Variants in DAB1 observed in about 807,000 individuals in gnomAD.
DAB1 encodes the protein disabled homolog 1.
DAB1 carries 15 observed loss-of-function variants against 64.6 expected under a neutral mutation model. That is an observed-to-expected ratio of 0.23 (90% CI 0.16 to 0.36). The LOEUF is 0.36. Ranked by LOEUF, DAB1 falls within the 10% of genes least tolerant of loss-of-function variation. The probability of loss-of-function intolerance (pLI) is 1.00; values close to 1 mark genes in which losing one functional copy is unlikely to be tolerated. For missense variants in DAB1, 596 were observed against 706.7 expected (o/e 0.84, Z 1.78); for synonymous variants, 235 against 251.9 (o/e 0.93, Z 0.64).
chr1:58,463,724 T>C (rs1203516786), intron 3 of DAB1, among the ~76,000 whole-genome samples: 1 of 152,234 alleles, frequency 6.6e-6, no homozygotes, highest in African/African-American at 2.4e-5. Context: ...TCAATGTCTC[T>C]GCACTTGGCC....
intron 7 of DAB1, among the ~76,000 whole-genome samples, chr1:57,479,952 G>A (rs947384529): frequency 1.3e-5 from 2 of 151,926 alleles, no homozygotes; most frequent in African/African-American, 2.4e-5. Flanking sequence ...AGGAGATCGA[G>A]ACCATCCTGG....
chr1:58,010,337 T>A (rs1476122600), intron 5 of DAB1, among the ~76,000 whole-genome samples: 1 of 152,184 alleles, frequency 6.6e-6, no homozygotes, highest in Non-Finnish European at 1.5e-5. Flanking sequence ...AAGAAAAACA[T>A]ATACATACAT....
chr1:58,350,998 T>G (rs1644050309), intron 3 of DAB1, among the ~76,000 whole-genome samples: 1 of 152,190 alleles, frequency 6.6e-6, no homozygotes, highest in African/African-American at 2.4e-5. Flanking sequence ...GTGAAGAAAG[T>G]CAGTGGTAGC....
chr1:57,145,249 A>G (rs1326559913), intron 3 of DAB1, 41 bp downstream of exon 3: 3 of 1,600,028 alleles, frequency 1.9e-6, no homozygotes, highest in African/African-American at 1.3e-5. Context: ...CCTCATTCAC[A>G]TTAAACACAA....
At chr1:57,872,216 T>C (rs1643963793) in intron 1 of DAB1, among the ~76,000 whole-genome samples, 1 of 152,180 alleles carries the variant, frequency 6.6e-6, no homozygotes, top group Non-Finnish European at 1.5e-5. Flanking sequence ...TTCCTAAAAC[T>C]CATGTGTTAA....
chr1:57,328,445 G>A (rs1343237424), intron 1 of DAB1, among the ~76,000 whole-genome samples: 1 of 152,060 alleles, frequency 6.6e-6, no homozygotes, highest in African/African-American at 2.4e-5. Flanking sequence ...GGTAGACTGT[G>A]GTTTCCTAGC....
chr1:57,811,783 A>G (rs1277139485), intron 6 of DAB1, among the ~76,000 whole-genome samples: 2 of 152,200 alleles, frequency 1.3e-5, no homozygotes, highest in East Asian at 3.9e-4. Flanking sequence ...AATGTGTTGA[A>G]AAGAAACAAA....
intron 6 of DAB1, among the ~76,000 whole-genome samples, chr1:57,745,536 A>G (rs1410029154): frequency 2.0e-5 from 3 of 151,944 alleles, no homozygotes; most frequent in Non-Finnish European, 2.9e-5. Context: ...CAGGGAAAAA[A>G]CCCTAGGCAA....
intron 11 of DAB1, among the ~76,000 whole-genome samples, chr1:57,022,837 A>C (rs541722038): frequency 1.3e-5 from 2 of 152,396 alleles, no homozygotes; most frequent in South Asian, 4.1e-4. Flanking sequence ...GGCTATTTGC[A>C]AGTACAGTGG....
chr1:58,395,189 G>A (rs535607378), intron 3 of DAB1, among the ~76,000 whole-genome samples: 8 of 152,090 alleles, frequency 5.3e-5, no homozygotes, highest in East Asian at 1.9e-4. Flanking sequence ...TTTTGTGAGC[G>A]CCACTACTAA....
intron 6 of DAB1, among the ~76,000 whole-genome samples, chr1:57,666,338 A>G (rs1224788852): frequency 1.3e-5 from 2 of 152,208 alleles, no homozygotes; most frequent in African/African-American, 4.8e-5. Context: ...CAATTCATTA[A>G]TGTTCTTCCC....
intron 6 of DAB1, among the ~76,000 whole-genome samples, chr1:57,708,120 A>G (rs1646988820): frequency 6.6e-6 from 1 of 151,848 alleles, no homozygotes; most frequent in Non-Finnish European, 1.5e-5. Flanking sequence ...TGCAGCTACC[A>G]CTCCCTGACT....
At chr1:57,277,663 A>G (rs539006946) in intron 2 of DAB1, among the ~76,000 whole-genome samples, 1 of 152,324 alleles carries the variant, frequency 6.6e-6, no homozygotes, top group Admixed American at 6.5e-5. Flanking sequence ...ACTGTTAATA[A>G]GGGATATGGG....
chr1:58,307,462 G>T (rs1662333041), intron 4 of DAB1, among the ~76,000 whole-genome samples: 1 of 152,164 alleles, frequency 6.6e-6, no homozygotes, highest in East Asian at 1.9e-4. Context: ...AAACAGAGAG[G>T]ACTGATATCT....
intron 3 of DAB1, among the ~76,000 whole-genome samples, chr1:58,457,558 G>T (rs1026725698): frequency 1.3e-5 from 2 of 152,218 alleles, no homozygotes; most frequent in African/African-American, 4.8e-5. Context: ...TAACAACATG[G>T]AAGCCAACAC....
At chr1:57,103,840 G>A (rs947930802) in intron 4 of DAB1, among the ~76,000 whole-genome samples, 1 of 152,188 alleles carries the variant, frequency 6.6e-6, no homozygotes, top group African/African-American at 2.4e-5. Context: ...GGGAACCCAG[G>A]TAGGGGACCC....
At chr1:57,574,690 T>A (rs1302052620) in intron 7 of DAB1, among the ~76,000 whole-genome samples, 1 of 152,092 alleles carries the variant, frequency 6.6e-6, no homozygotes, top group East Asian at 1.9e-4. Context: ...GGCAGGCAGA[T>A]ATCTAGACTA....
intron 2 of DAB1, among the ~76,000 whole-genome samples, chr1:57,239,533 G>C (rs584383): frequency 6.6e-6 from 1 of 151,908 alleles, no homozygotes; most frequent in Non-Finnish European, 1.5e-5. Flanking sequence ...GTGGTCCCAC[G>C]TGCCTATCTT....
chr1:58,053,721 G>A (rs925074460), intron 5 of DAB1, among the ~76,000 whole-genome samples: 1 of 152,172 alleles, frequency 6.6e-6, no homozygotes, highest in Admixed American at 6.5e-5. Flanking sequence ...CCACATGGTA[G>A]GTAACAAAAA....
Sources: gnomAD v4.1 joint callset for allele counts (sites outside exome capture counted in the v4.1 genomes callset) on GRCh38, gnomAD v4.1.1 for gene constraint, MANE v1.5 for transcripts, NCBI Gene and HGNC (gene_info 2026-07-23, HGNC 2026-07-21) for gene names.